Variants in CELA3B observed in about 807,000 individuals in gnomAD.
CELA3B encodes chymotrypsin-like elastase family member 3B.
Under a neutral mutation model 37.2 loss-of-function variants are expected in CELA3B, and 34 were observed. That is an observed-to-expected ratio of 0.91 (90% confidence interval 0.70 to 1.22). CELA3B has a LOEUF of 1.22. CELA3B is among the 50% of genes most tolerant of loss of function. CELA3B has a pLI of 0.00. For synonymous variants in CELA3B, 127 were observed against 143.5 expected (o/e 0.89, Z 0.82); for missense variants, 340 against 363.1 (o/e 0.94, Z 0.52).
chr1:21,980,391 G>C (rs530851008), intron 2 of CELA3B, among the ~76,000 whole-genome samples: 1 of 151,806 alleles, frequency 6.6e-6, no homozygotes, highest in Admixed American at 6.6e-5. Context: ...AGGCAGGAGA[G>C]TCGCTTGAAC....
In CELA3B at chr1:21,984,248, C is replaced by T; in HGVS notation, c.559C>T (p.His187Tyr). The change falls in exon 6 of 8, where the codon CAC becomes TAC. Residue 187 changes from histidine to tyrosine, a missense_variant. By Grantham distance (83) the His-to-Tyr change is moderately conservative. Transcript: ENST00000337107. ...CCTGCTGCCGGTGGTGGACTATGAA[C>T]ACTGCTCCAGGTGGAACTGGTGGGG... is the stretch of plus-strand genomic sequence containing the variant. Reference protein sequence around the residue: ...EALLPVVDYEHCSRWNWWGSS... With the variant: ...EALLPVVDYEYCSRWNWWGSS... 2 of 1,614,188 alleles carry T rather than the reference C, an allele frequency of 1.2e-6. No individual in the cohort carries two copies. Among genetic ancestry groups the T allele is most frequent in the South Asian group, 2.2e-5 (2 of 91,086 alleles).
At chr1:21,988,514 T>A (rs775458677) in intron 7 of CELA3B, among the ~76,000 whole-genome samples, 1 of 144,950 alleles carries the variant, frequency 6.9e-6, no homozygotes, top group Non-Finnish European at 1.5e-5. Context: ...TTGCTTGAAC[T>A]CGGGAGGCAG....
chr1:21,983,775 T>C lies in CELA3B; in HGVS notation c.444T>C (p.Gly148=). 1.2e-6 allele frequency: 2 copies of C among 1,614,054 alleles called. No individual in the cohort carries two copies. Among genetic ancestry groups the C allele is most frequent in the Admixed American group, 1.7e-5 (1 of 60,004 alleles). ...AVQLASLPPA[G]DILPNETPCY... ...AGCTCGCCTCACTCCCTCCGGCTGGTGACATCCTTCCCAACGAGACACCCT... is the reference window on the plus strand; with the variant it reads ...AGCTCGCCTCACTCCCTCCGGCTGGCGACATCCTTCCCAACGAGACACCCT... Residue 148 remains glycine (G), a synonymous_variant, in exon 5 of 8, where the codon GGT becomes GGC. Transcript: ENST00000337107.
chr1:21,986,287 T>C (rs1644838065), intron 6 of CELA3B, among the ~76,000 whole-genome samples: 2 of 151,722 alleles, frequency 1.3e-5, no homozygotes, highest in Admixed American at 6.6e-5. Flanking sequence ...GAGAAACACT[T>C]GAACCTGGGA....
Sources: allele counts gnomAD v4.1 joint callset (sites outside exome capture counted in the v4.1 genomes callset), GRCh38; gene constraint gnomAD v4.1.1; transcripts MANE v1.5; gene names NCBI Gene and HGNC (gene_info 2026-07-23, HGNC 2026-07-21).